Variants in RNLS observed in about 807,000 individuals in gnomAD.
RNLS encodes renalase.
In RNLS, 39 loss-of-function variants were observed where a neutral mutation model predicts 39.8. The observed-to-expected ratio is 0.98, with a 90% CI of 0.76 to 1.28. The LOEUF (loss-of-function observed/expected upper bound fraction) is 1.28. Among genes scored for constraint, RNLS ranks in the 50% most tolerant of loss-of-function variants. The pLI is 0.00. For synonymous variants in RNLS, 147 were observed against 150.7 expected (o/e 0.98, Z 0.18); for missense variants, 410 against 413.3 (o/e 0.99, Z 0.07).
At chr10:88,358,373 T>C (rs910802210) in intron 5 of RNLS, among the ~76,000 whole-genome samples, 13 of 152,304 alleles carry the variant, frequency 8.5e-5, no homozygotes, top group African/African-American at 2.4e-4. Flanking sequence ...CTCAAATATA[T>C]ACTTGGGAAC....
intron 4 of RNLS, among the ~76,000 whole-genome samples, chr10:88,470,617 A>ATT (rs10676559): frequency 0.16 from 22,766 of 141,628 alleles, 2,098 homozygotes; most frequent in Middle Eastern, 0.27. Flanking sequence ...TGTAATTTTA[A>ATT]TTTTTTTTTT....
chr10:88,505,336 T>G (rs1589915659), intron 4 of RNLS, among the ~76,000 whole-genome samples: 3 of 141,146 alleles, frequency 2.1e-5, no homozygotes, highest in South Asian at 2.3e-4. Context: ...CACTGGGAGG[T>G]AAAAAGAGGG....
At chr10:88,373,704 C>T (rs1054198797) in intron 4 of RNLS, among the ~76,000 whole-genome samples, 1 of 151,878 alleles carries the variant, frequency 6.6e-6, no homozygotes, top group East Asian at 1.9e-4. Context: ...AAATATTGTT[C>T]ATTTTTCTTG....
intron 4 of RNLS, chr10:88,545,546 G>C (rs543530289): frequency 9.7e-5 from 42 of 434,820 alleles, no homozygotes; most frequent in Middle Eastern, 3.5e-4. Flanking sequence ...AGTACAGCAC[G>C]GGAAAAACCT....
chr10:88,282,240 C>T (rs932502053), downstream of RNLS, among the ~76,000 whole-genome samples: 2 of 152,042 alleles, frequency 1.3e-5, no homozygotes, highest in South Asian at 2.1e-4. Context: ...CCACATGATG[C>T]GGACTGTACC....
chr10:88,517,057 G>T (rs1363302151), intron 4 of RNLS, among the ~76,000 whole-genome samples: 2 of 151,956 alleles, frequency 1.3e-5, no homozygotes, highest in Non-Finnish European at 2.9e-5. Flanking sequence ...ATCTGGAGGT[G>T]ACATGGTTAA....
intron 4 of RNLS, among the ~76,000 whole-genome samples, chr10:88,392,503 T>G (rs1018172771): frequency 2.6e-5 from 4 of 152,194 alleles, no homozygotes; most frequent in African/African-American, 9.6e-5. Flanking sequence ...AGGCAAAGAT[T>G]GGAGGACTTG....
At position 88,302,102 on chromosome 10, in the gene RNLS, G is replaced by T. The variant is rs117565871; in HGVS notation, c.876+12364C>A. On this transcript the variant is annotated intron_variant, in intron 6 of 6. Transcript: ENST00000331772. ...CCTTAACCACAAGTCTAAGAGGCAT[G>T]TTCAGTTGTTACCATTTACAGATGA... Among the ~76,000 whole-genome samples the T allele has an allele frequency of 4.0e-3, 611 of 152,318 alleles. 3 individuals are homozygous for T. Among genetic ancestry groups the T allele is most frequent in the South Asian group, 0.029 (138 of 4,826 alleles).
intron 6 of RNLS, among the ~76,000 whole-genome samples, chr10:88,311,658 T>A (rs1039112313): frequency 1.3e-5 from 2 of 152,202 alleles, no homozygotes; most frequent in African/African-American, 4.8e-5. Context: ...CAAACTTCAA[T>A]TTAGAGTCTT....
chr10:88,317,561 T>G (rs1310555799), intron 5 of RNLS, among the ~76,000 whole-genome samples: 1 of 152,212 alleles, frequency 6.6e-6, no homozygotes, highest in Non-Finnish European at 1.5e-5. Context: ...GATTTTTTTG[T>G]GTGTGTTTCG....
rs10565402 is a variant in RNLS, at chr10:88,380,363, CTTTTTTT to C, written c.527-17645_527-17639del. On this transcript the variant is annotated intron_variant, in intron 4 of 6. Transcript: ENST00000331772. ...ATTTTTTAGTCTTGGGGTTTTGTAT[CTTTTTTT>C]TTTTTTTTTTTTTTTTTTTTGAGAC... 6.9e-3 allele frequency among the ~76,000 whole-genome samples: 507 copies of C among 73,078 alleles called. 4 individuals carry two copies. Among genetic ancestry groups the C allele is most frequent in the African/African-American group, 0.019 (358 of 18,814 alleles). The allele number at this position is 73,078 out of a possible 152,430, so 47.9% of individuals were successfully genotyped here. A position where few individuals can be genotyped will look rare whatever the true frequency, so the allele number is the denominator to read the frequency against.
At chr10:88,174,828 A>T in the RNLS span, among the ~76,000 whole-genome samples, 1,705 of 152,246 alleles carry the variant, frequency 0.011, 28 homozygotes, top group African/African-American at 0.038. Flanking sequence ...GTTTGCAAAG[A>T]ATTGATGTTA....
intron 4 of RNLS, among the ~76,000 whole-genome samples, chr10:88,474,416 C>T (rs540236580): frequency 6.6e-6 from 1 of 152,266 alleles, no homozygotes; most frequent in Non-Finnish European, 1.5e-5. Flanking sequence ...ACCTATGTCC[C>T]TCCTTCTTCT....
chr10:88,222,339 CTAG>C, the RNLS span, among the ~76,000 whole-genome samples: 10 of 152,206 alleles, frequency 6.6e-5, no homozygotes, highest in Admixed American at 3.3e-4. Context: ...TGTGTTATGG[CTAG>C]TAGGATGTGA....
At chr10:88,569,272 T>C (rs1362750732) in intron 4 of RNLS, among the ~76,000 whole-genome samples, 1 of 152,062 alleles carries the variant, frequency 6.6e-6, no homozygotes, top group East Asian at 1.9e-4. Flanking sequence ...GTTTTAGATA[T>C]TTAAGGTTTT....
At chr10:88,448,444 A>C (rs1194925960) in intron 4 of RNLS, among the ~76,000 whole-genome samples, 1 of 152,174 alleles carries the variant, frequency 6.6e-6, no homozygotes, top group East Asian at 1.9e-4. Context: ...TCAAAACCAC[A>C]ATGAGATACC....
At chr10:88,263,887 A>T in the RNLS span, among the ~76,000 whole-genome samples, 1 of 152,122 alleles carries the variant, frequency 6.6e-6, no homozygotes, top group African/African-American at 2.4e-5. Flanking sequence ...TAAGCTCTAT[A>T]GTGGTGATTT....
intron 5 of RNLS, among the ~76,000 whole-genome samples, chr10:88,359,113 G>T (rs1849427193): frequency 6.6e-6 from 1 of 152,108 alleles, no homozygotes; most frequent in Admixed American, 6.5e-5. Context: ...AGGGGTTCAA[G>T]ACCAGACTGG....
intron 4 of RNLS, among the ~76,000 whole-genome samples, chr10:88,462,594 T>C (rs1478773699): frequency 6.6e-6 from 1 of 151,950 alleles, no homozygotes; most frequent in African/African-American, 2.4e-5. Flanking sequence ...AGTCTAACAG[T>C]CTAATGGAGG....
Sources: allele counts gnomAD v4.1 joint callset (sites outside exome capture counted in the v4.1 genomes callset), GRCh38; gene constraint gnomAD v4.1.1; transcripts MANE v1.5; gene names NCBI Gene and HGNC (gene_info 2026-07-23, HGNC 2026-07-21).